The following SLC23A3 variants were observed in gnomAD, a reference collection of about 807,000 sequenced individuals.
SLC23A3 encodes solute carrier family 23 member 3.
A neutral mutation model predicts 64.7 loss-of-function variants in SLC23A3; 41 were observed. The ratio of observed to expected loss-of-function variants is 0.63; its 90% CI spans 0.49 to 0.82. The LOEUF (loss-of-function observed/expected upper bound fraction) is 0.82. Among genes scored for constraint, SLC23A3 ranks in the 40% least tolerant of loss-of-function variants. The pLI, the probability that SLC23A3 is intolerant of heterozygous loss-of-function variation, is 0.00. For synonymous variants in SLC23A3, 281 were observed against 306.8 expected (o/e 0.92, Z 0.88); for missense variants, 647 against 733.4 (o/e 0.88, Z 1.36).
chr2:219,165,923 C>A (rs1316757937), intron 7 of SLC23A3, among the ~76,000 whole-genome samples: 1 of 152,162 alleles, frequency 6.6e-6, no homozygotes, highest in Non-Finnish European at 1.5e-5. Context: ...CACCTGAGGT[C>A]AGGAGTTTGT....
chr2:219,164,197 C>G, intron 9 of SLC23A3, 36 bp downstream of exon 9: 1 of 1,416,706 alleles, frequency 7.1e-7, no homozygotes, highest in South Asian at 1.2e-5. Context: ...TGGGGAGTAG[C>G]AGTTCAATAC....
chr2:219,163,693 T>C, intron 9 of SLC23A3, 138 bp from the exon 10 acceptor site: 1 of 954,108 alleles, frequency 1.0e-6, no homozygotes, highest in South Asian at 1.7e-5. Flanking sequence ...TTTGTTTTTT[T>C]GTTTTTTTGG....
At position 219,168,243 on chromosome 2, in the gene SLC23A3, A is replaced by T. The variant is rs1254391160; in HGVS notation, c.750T>A (p.Ala250=). ...GAGGAGTGTGAGTTGATGACGTTGA[A>T]GCTCGCCTCCAGGGGCACACATGAA... The part of the protein sequence containing the change: ...CQFHVCPWRR[A]STSSTHTPLP... The change falls in exon 6 of 12, where the codon GCT becomes GCA. Residue 250 remains alanine, a synonymous_variant. Coordinates refer to ENST00000409878, the MANE Select transcript of SLC23A3 (RefSeq NM_001144889.2). 3.7e-6 allele frequency: 6 copies of T among 1,613,906 alleles called. No individual in the cohort carries two copies. In the African/African-American group the frequency reaches 8.0e-5, roughly 22 times the overall value.
chr2:219,165,342 GGGAACT>G lies in SLC23A3; in HGVS notation c.988_993del (p.Ser330_Ser331del), dbSNP rs1559209258. 6.4e-7 allele frequency: 1 copy of G among 1,551,514 alleles called. No homozygotes were observed. Among genetic ancestry groups the G allele is most frequent in the Non-Finnish European group, 8.7e-7 (1 of 1,146,946 alleles). ...CGGCCACACAGGGCATAGCAGCCCA[GGGAACT>G]GGTGGAGGCTGCCAAGGCCATGGAG... On this transcript the variant is annotated inframe_deletion, in exon 8 of 12. Coordinates refer to ENST00000409878, the MANE Select transcript of SLC23A3 (RefSeq NM_001144889.2).
At position 219,169,389 on chromosome 2, in the gene SLC23A3, G is replaced by T. The variant is rs772640319; in HGVS notation, c.338C>A (p.Ala113Asp). 2 of 1,614,238 alleles carry T rather than the reference G, an allele frequency of 1.2e-6. No homozygotes were observed. The highest frequency in any genetic ancestry group is 1.7e-6 in the Non-Finnish European group (2 of 1,180,028). ...AGGGATAAGGAACTCTAAGGATGGA[G>T]CCTGGACAAGAGGCAGCCTGTAGGA... is the stretch of plus-strand genomic sequence containing the variant. ...WMGSRLPLVQ[A>D]PSLEFLIPAL... The change falls in exon 3 of 12, where the codon GCT (alanine) becomes GAT (aspartate). Residue 113 changes from alanine (A) to aspartate (D), a missense_variant. Ala to Asp is a moderately radical substitution (Grantham distance 126). Coordinates refer to ENST00000409878, the MANE Select transcript of SLC23A3 (RefSeq NM_001144889.2). The surrounding 1 kb of genome is among the most constrained non-coding windows in gnomAD (Gnocchi z 4.5).
intron 5 of SLC23A3, 97 bp downstream of exon 5, chr2:219,168,555 C>A: frequency 1.6e-6 from 2 of 1,266,662 alleles, no homozygotes; most frequent in South Asian, 3.0e-5. Flanking sequence ...CTATTCCAGT[C>A]GCTGCTGAAT....
chr2:219,165,490 C>T (rs1159578839), intron 7 of SLC23A3, 68 bp from the exon 8 acceptor site: 15 of 1,497,304 alleles, frequency 1.0e-5, no homozygotes, highest in Middle Eastern at 1.8e-4. Flanking sequence ...CTCCAACAGC[C>T]TGTGCCACAA....
chr2:219,166,017 C>G (rs535566632), intron 7 of SLC23A3, among the ~76,000 whole-genome samples: 51 of 152,192 alleles, frequency 3.4e-4, no homozygotes, highest in African/African-American at 1.2e-3. Flanking sequence ...CCTGTAATCC[C>G]AGCCACTTGG....
intron 7 of SLC23A3, among the ~76,000 whole-genome samples, chr2:219,166,412 G>A (rs992435488): frequency 6.6e-6 from 1 of 152,112 alleles, no homozygotes; most frequent in Non-Finnish European, 1.5e-5. Context: ...GCCCAGGCTG[G>A]TCTCTAACTC....
intron 5 of SLC23A3, 97 bp downstream of exon 5, chr2:219,168,555 C>G: frequency 7.9e-7 from 1 of 1,266,664 alleles, no homozygotes. Flanking sequence ...CTATTCCAGT[C>G]GCTGCTGAAT....
intron 11 of SLC23A3, 35 bp from the exon 12 acceptor site, chr2:219,162,239 C>T (rs944591955): frequency 6.2e-7 from 1 of 1,613,354 alleles, no homozygotes; most frequent in Non-Finnish European, 8.5e-7. Flanking sequence ...TATTGCCCAT[C>T]CCAGGGAGGG....
chr2:219,167,885 T>A, intron 7 of SLC23A3, 45 bp downstream of exon 7: 1 of 1,374,204 alleles, frequency 7.3e-7, no homozygotes, highest in Middle Eastern at 1.8e-4. Flanking sequence ...TTCAAATAGA[T>A]ACCTTTATTT....
At chr2:219,164,706 C>T (rs1949987843) in intron 8 of SLC23A3, 2 of 253,240 alleles carry the variant, frequency 7.9e-6, no homozygotes, top group Non-Finnish European at 7.6e-6. Context: ...ATTATAGGTG[C>T]ACAACACCAT....
intron 10 of SLC23A3, 21 bp from the exon 11 acceptor site, chr2:219,162,415 G>A (rs374619420): frequency 1.3e-6 from 2 of 1,583,556 alleles, no homozygotes; most frequent in African/African-American, 1.3e-5. Flanking sequence ...TTGGGGCCAG[G>A]CAGGAAGGGA....
chr2:219,162,827 T>G (rs1421428921), intron 10 of SLC23A3, among the ~76,000 whole-genome samples: 1 of 152,172 alleles, frequency 6.6e-6, no homozygotes, highest in Non-Finnish European at 1.5e-5. Context: ...TAGCAGCATC[T>G]TTCTATCCAC....
At chr2:219,168,571 A>G (rs1405113339) in intron 5 of SLC23A3, 81 bp downstream of exon 5, 2 of 1,380,744 alleles carry the variant, frequency 1.4e-6, no homozygotes, top group Non-Finnish European at 2.0e-6. Flanking sequence ...TGAATCTGAT[A>G]GGACCAGCAG....
intron 7 of SLC23A3, among the ~76,000 whole-genome samples, chr2:219,166,236 C>G (rs533060450): frequency 6.6e-6 from 1 of 152,268 alleles, no homozygotes; most frequent in East Asian, 1.9e-4. Flanking sequence ...TGCTCTGTTA[C>G]CCAGGCTGAA....
chr2:219,164,345 G>A lies in SLC23A3; in HGVS notation c.1168-7C>T, dbSNP rs1478059016. Reference sequence around the variant, plus strand: ...CCACTTGCTGAGATCCAGCCTGCATGAAGAAAAGACACTGGAAAACACAGC... The same window carrying A: ...CCACTTGCTGAGATCCAGCCTGCATAAAGAAAAGACACTGGAAAACACAGC... On this transcript the variant is annotated splice_polypyrimidine_tract_variant and splice_region_variant and intron_variant, in intron 8 of 11. Transcript: ENST00000409878. 1.3e-6 allele frequency: 2 copies of A among 1,573,760 alleles called. No individual in the cohort carries two copies. The highest frequency in any genetic ancestry group is 2.3e-5 in the East Asian group (1 of 42,618).
rs763353055 is a variant in SLC23A3 at position 219,169,608 on chromosome 2, C to A, written c.233G>T (p.Gly78Val). ...GAGCTGAGAAGGGGAGTAAGAGAGT[C>A]CTCCTGGGGAGAGACTGCAAAGCAG... ...LLLLCSLSPG[G>V]LSYSPSQLLA... is the part of the protein sequence containing the mutation. Residue 78 changes from glycine (G) to valine (V), a missense_variant, in exon 2 of 12, where the codon GGA becomes GTA. Transcript: ENST00000409878. This position sits in a 1 kb window ranked among gnomAD's most constrained non-coding sequence, Gnocchi z 4.5. The A allele has an allele frequency of 1.2e-5, 20 of 1,614,196 alleles. No individual in the cohort carries two copies. Among genetic ancestry groups the A allele is most frequent in the South Asian group, 7.7e-5 (7 of 91,090 alleles).
Sources: allele counts gnomAD v4.1 joint callset (sites outside exome capture counted in the v4.1 genomes callset), GRCh38; gene constraint gnomAD v4.1.1; non-coding constraint Gnocchi (gnomAD v3.1); transcripts MANE v1.5; gene names NCBI Gene and HGNC (gene_info 2026-07-23, HGNC 2026-07-21).